Variants in LSS observed in about 807,000 individuals in gnomAD.
LSS encodes lanosterol synthase.
A neutral mutation model predicts 110.3 loss-of-function variants in LSS; 90 were observed. The observed-to-expected ratio is 0.82, with a 90% CI of 0.69 to 0.97. The LOEUF (loss-of-function observed/expected upper bound fraction) is 0.97, where lower values mean the gene tolerates loss of function less well. Ranked by LOEUF, LSS falls within the 50% of genes least tolerant of loss-of-function variation. The pLI is 0.00. For synonymous variants in LSS, 433 were observed against 400.0 expected (o/e 1.08, Z -0.98); for missense variants, 927 against 990.0 (o/e 0.94, Z 0.85).
At chr21:46,217,562 T>C (rs1346187859) in intron 6 of LSS, among the ~76,000 whole-genome samples, 1 of 152,166 alleles carries the variant, frequency 6.6e-6, no homozygotes, top group Non-Finnish European at 1.5e-5. Context: ...TTTTCTCACA[T>C]TTTGGGTTAC....
chr21:46,211,331 A>G (rs2009213), intron 11 of LSS, among the ~76,000 whole-genome samples: 108,201 of 152,026 alleles, frequency 0.71, 38,689 homozygotes, highest in Non-Finnish European at 0.75. Flanking sequence ...GGGTTTCACC[A>G]TGTTAGCCAG....
At chr21:46,228,670 C>G (rs779019160) in intron 1 of LSS, 62 bp downstream of exon 1, 1 of 1,599,852 alleles carries the variant, frequency 6.3e-7, no homozygotes, top group South Asian at 1.1e-5. Context: ...GCCCCAGTCG[C>G]GCTCTCCTCA....
rs768609909 is a variant in LSS at position 46,207,558 on chromosome 21, G to A, written c.1337C>T (p.Thr446Met). ...AGAAACGATCCAGCCGCAGTCCAGC[G>A]TACTGAAGGAGAAGCCACCCTGCAG... ...QMRKGGFSFS[T>M]LDCGWIVSDC... The change falls in exon 15 of 22, where the codon ACG (threonine) becomes ATG (methionine). Residue 446 changes from threonine (T) to methionine (M), a missense_variant. Coordinates refer to ENST00000397728, the MANE Select transcript of LSS (RefSeq NM_002340.6). 20 of 1,608,840 alleles carry A rather than the reference G, an allele frequency of 1.2e-5. No homozygotes were observed. The highest frequency in any genetic ancestry group is 8.4e-5 in the Admixed American group (5 of 59,308).
In LSS at chr21:46,215,718, T is replaced by C. The variant is rs1360366764; in HGVS notation, c.859A>G (p.Thr287Ala). The C allele has an allele frequency of 1.2e-6, 2 of 1,612,406 alleles. No individual in the cohort carries two copies. Among genetic ancestry groups the C allele is most frequent in the African/African-American group, 2.7e-5 (2 of 74,826 alleles). Residue 287 changes from threonine (T) to alanine (A), a missense_variant, in exon 8 of 22, where the codon ACG (threonine) becomes GCG (alanine). By Grantham distance (58) the Thr-to-Ala change is moderately conservative. Transcript: ENST00000397728. ...ACGCGGAGCAGCCAGCTGTGCGGCGTGTACAGCTCGTCGGGGGCCACGTTG... is the reference window on the plus strand; with the variant it reads ...ACGCGGAGCAGCCAGCTGTGCGGCGCGTACAGCTCGTCGGGGGCCACGTTG... ...RNNVAPDELY[T>A]PHSWLLRVVY...
At chr21:46,215,919 C>T (rs1200586121) in intron 7 of LSS, 126 bp from the exon 8 acceptor site, 12 of 638,908 alleles carry the variant, frequency 1.9e-5, no homozygotes, top group Non-Finnish European at 3.2e-5. Context: ...GGGTGGGGGT[C>T]CCTCCAGCAA....
chr21:46,207,835 A>C (rs2080073697), intron 14 of LSS, among the ~76,000 whole-genome samples: 1 of 152,172 alleles, frequency 6.6e-6, no homozygotes. Flanking sequence ...GATGGGGCCC[A>C]GGTGCCCCCC....
At chr21:46,227,895 CTTTA>C (rs2080368947) in intron 2 of LSS, among the ~76,000 whole-genome samples, 2 of 152,226 alleles carry the variant, frequency 1.3e-5, no homozygotes. Flanking sequence ...ATTTTCGTTG[CTTTA>C]TTTGCCAGTC....
At chr21:46,215,112 C>T in intron 9 of LSS, 68 bp downstream of exon 9, 1 of 1,350,410 alleles carries the variant, frequency 7.4e-7, no homozygotes, top group Non-Finnish European at 1.0e-6. Context: ...ACAGCCCGGC[C>T]TCTAGGACTT....
At position 46,209,519 on chromosome 21, in the gene LSS, TTCAGCCCCC is replaced by T; in HGVS notation, c.1266+26_1266+34del. On this transcript the variant is annotated intron_variant, in intron 13 of 21. Transcript: ENST00000397728. This position sits in a 1 kb window ranked among gnomAD's most constrained non-coding sequence, Gnocchi z 4.4. ...GGAGCTCCCAGCCCTGATCCCCCTC[TTCAGCCCCC>T]TCAGAGCCCCAGGCACCGGCCTCAC... 1.9e-6 allele frequency: 3 copies of T among 1,572,964 alleles called. No individual in the cohort carries two copies. Among genetic ancestry groups the T allele is most frequent in the Non-Finnish European group, 1.7e-6 (2 of 1,157,660 alleles).
intron 20 of LSS, among the ~76,000 whole-genome samples, chr21:46,194,182 C>T (rs1344782929): frequency 2.0e-5 from 3 of 152,212 alleles, no homozygotes; most frequent in Admixed American, 6.5e-5. Flanking sequence ...GCATCCTCAT[C>T]GCAGCCCACC....
At chr21:46,224,452 C>T (rs542522115) in intron 3 of LSS, among the ~76,000 whole-genome samples, 92 of 152,298 alleles carry the variant, frequency 6.0e-4, no homozygotes, top group African/African-American at 2.1e-3. Flanking sequence ...CATCGCCGCA[C>T]ACAGGGAGAG....
At position 46,206,778 on chromosome 21, in the gene LSS, C is replaced by G. The variant is rs1485394481; in HGVS notation, c.1468-10G>C. 1.2e-6 allele frequency: 2 copies of G among 1,604,886 alleles called. No individual in the cohort carries two copies. ...TTCTCATGTTCAGCAGCTGAAATCA[C>G]AGAGAGCACCCTAGAACTCGCCCAT... is the stretch of plus-strand genomic sequence containing the variant. On this transcript the variant is annotated splice_polypyrimidine_tract_variant and intron_variant, in intron 15 of 21. Coordinates refer to ENST00000397728, the MANE Select transcript of LSS (RefSeq NM_002340.6).
rs1482129002 is a variant in LSS at position 46,205,939 on chromosome 21, C to T, written c.1567G>A (p.Asp523Asn). The T allele has an allele frequency of 1.9e-6, 3 of 1,603,512 alleles. No homozygotes were observed. The highest frequency in any genetic ancestry group is 1.1e-5 in the South Asian group (1 of 89,236). The part of the protein sequence containing the change: ...ELLNPSEVFG[D>N]IMIDYTYVEC... Reference sequence around the variant, plus strand: ...ACATAGGTGTAGTCAATCATGATGTCCCCTGGGAAAGGGAGGGAAGAACCA... The same window carrying T: ...ACATAGGTGTAGTCAATCATGATGTTCCCTGGGAAAGGGAGGGAAGAACCA... Residue 523 changes from aspartate to asparagine, a missense_variant and splice_region_variant, in exon 17 of 22, where the codon GAC (aspartate) becomes AAC (asparagine). Coordinates refer to ENST00000397728, the MANE Select transcript of LSS (RefSeq NM_002340.6).
chr21:46,193,989 CCTGTGTGTGCAT>C (rs2079870742), intron 20 of LSS, among the ~76,000 whole-genome samples: 1 of 152,086 alleles, frequency 6.6e-6, no homozygotes, highest in African/African-American at 2.4e-5. Context: ...TGTGCATAGG[CCTGTGTGTGCAT>C]CTGTCTCCAT....
In LSS at chr21:46,207,408, T is replaced by C. The variant is rs2123723045; in HGVS notation, c.1467+20A>G. 1.2e-6 allele frequency: 2 copies of C among 1,610,054 alleles called. No individual in the cohort carries two copies. The highest frequency in any genetic ancestry group is 8.5e-7 in the Non-Finnish European group (1 of 1,179,012). On this transcript the variant is annotated intron_variant, in intron 15 of 21. Coordinates refer to ENST00000397728, the MANE Select transcript of LSS (RefSeq NM_002340.6). ...GCAGGACACGAGGTATGGACGGGGC[T>C]GCTGGGACCACAGCCTTACCACAGC...
At chr21:46,222,083 C>A in intron 4 of LSS, 108 bp from the exon 5 acceptor site, 8 of 1,257,534 alleles carry the variant, frequency 6.4e-6, no homozygotes, top group Non-Finnish European at 7.8e-6. Flanking sequence ...GCTAAAATGC[C>A]TTAACCTGAC....
At position 46,212,212 on chromosome 21, in the gene LSS, G is replaced by C. The variant is rs904683942; in HGVS notation, c.1137+813C>G. ...GGAGCTCAAGGCCAGCTGGGTAAAA[G>C]CTCGTGGCTGGGGGCACCTGGCACC... On this transcript the variant is annotated intron_variant, in intron 11 of 21. Coordinates refer to ENST00000397728, the MANE Select transcript of LSS (RefSeq NM_002340.6). Among the ~76,000 whole-genome samples, 9 of 152,314 alleles carry C rather than the reference G, an allele frequency of 5.9e-5. No individual in the cohort carries two copies. The South Asian group carries it at 1.9e-3, about 32-fold the overall frequency.
At chr21:46,191,733 C>T (rs879682023) in intron 21 of LSS, 148 bp downstream of exon 21, 4 of 682,108 alleles carry the variant, frequency 5.9e-6, no homozygotes, top group African/African-American at 1.8e-5. Context: ...ACAGACCTGC[C>T]ACCAACTGTG....
intron 16 of LSS, among the ~76,000 whole-genome samples, 175 bp downstream of exon 16, chr21:46,206,497 C>T (rs982073632): frequency 1.1e-4 from 17 of 152,228 alleles, no homozygotes; most frequent in African/African-American, 3.9e-4. Flanking sequence ...CCTGCCACCC[C>T]GGGGGATGGA....
Sources: allele counts gnomAD v4.1 joint callset (sites outside exome capture counted in the v4.1 genomes callset), GRCh38; gene constraint gnomAD v4.1.1; non-coding constraint Gnocchi (gnomAD v3.1); transcripts MANE v1.5; gene names NCBI Gene and HGNC (gene_info 2026-07-23, HGNC 2026-07-21).